PSIP1: variants seen among roughly 807,000 people sequenced by gnomAD.
PSIP1 encodes PC4 and SFRS1-interacting protein.
A neutral mutation model predicts 74.7 loss-of-function variants in PSIP1; 19 were observed. That is an observed-to-expected ratio of 0.25 (90% confidence interval 0.18 to 0.37). The LOEUF (loss-of-function observed/expected upper bound fraction) is 0.37. Ranked by LOEUF, PSIP1 falls within the 10% of genes least tolerant of loss-of-function variation. The pLI is 1.00. For synonymous variants in PSIP1, 222 were observed against 195.3 expected (o/e 1.14, Z -1.14); for missense variants, 601 against 614.3 (o/e 0.98, Z 0.23).
chr9:15,490,106 C>A lies in PSIP1; in HGVS notation c.168G>T (p.Lys56Asn), dbSNP rs757963824. ...GTHETAFLGP[K>N]DIFPYSENKE... ...TATTTTCTGAGTAAGGAAATATATCCTTTGGTCCTAAAAAAGCACTAAAAA... is the reference window on the plus strand; with the variant it reads ...TATTTTCTGAGTAAGGAAATATATCATTTGGTCCTAAAAAAGCACTAAAAA... Residue 56 changes from lysine (K) to asparagine (N), a missense_variant, in exon 4 of 16, where the codon AAG (lysine) becomes AAT (asparagine). Transcript: ENST00000380733. The A allele has an allele frequency of 1.3e-6, 2 of 1,588,092 alleles. No homozygotes were observed. The highest frequency in any genetic ancestry group is 1.2e-5 in the South Asian group (1 of 85,492).
intron 3 of PSIP1, 81 bp from the exon 4 acceptor site, chr9:15,490,205 T>C: frequency 7.9e-7 from 1 of 1,268,964 alleles, no homozygotes; most frequent in South Asian, 2.0e-5. Flanking sequence ...TATTACACAA[T>C]TATCAAAAAT....
At chr9:15,478,072 G>C (rs2795127) in intron 8 of PSIP1, among the ~76,000 whole-genome samples, 8,009 of 147,340 alleles carry the variant, frequency 0.054, 236 homozygotes, top group African/African-American at 0.082. Context: ...TGAGGTTACA[G>C]TGTGCGATTG....
In PSIP1 at chr9:15,486,822, C is replaced by T. The variant is rs745847262; in HGVS notation, c.393+5G>A. On this transcript the variant is annotated splice_donor_5th_base_variant and intron_variant, in intron 5 of 15. Coordinates refer to ENST00000380733, the MANE Select transcript of PSIP1 (RefSeq NM_033222.5). ...GTTTAAAATGTTAGGAGAAATAGAA[C>T]ATACCTCATTGCTGGCTTTTTCTTC... The T allele has an allele frequency of 3.2e-6, 5 of 1,581,456 alleles. No individual in the cohort carries two copies. The highest frequency in any genetic ancestry group is 3.4e-5 in the Admixed American group (2 of 58,328).
At chr9:15,478,013 A>T (rs2036166311) in intron 8 of PSIP1, among the ~76,000 whole-genome samples, 1 of 151,546 alleles carries the variant, frequency 6.6e-6, no homozygotes, top group Non-Finnish European at 1.5e-5. Flanking sequence ...CTGTGGTCCC[A>T]GCTACTTGGG....
At chr9:15,491,295 A>C (rs1385115746) in intron 3 of PSIP1, among the ~76,000 whole-genome samples, 1 of 152,240 alleles carries the variant, frequency 6.6e-6, no homozygotes, top group East Asian at 1.9e-4. Context: ...AAAAAAATGC[A>C]TGGCAATAAA....
At chr9:15,468,864 C>G (rs1355796217) in intron 13 of PSIP1, 21 bp from the exon 14 acceptor site, 4 of 1,606,016 alleles carry the variant, frequency 2.5e-6, no homozygotes, top group Middle Eastern at 3.3e-4. Context: ...AATATACATT[C>G]ATCATAATTG....
intron 3 of PSIP1, among the ~76,000 whole-genome samples, chr9:15,501,200 T>C (rs1297067082): frequency 6.6e-6 from 1 of 152,072 alleles, no homozygotes; most frequent in African/African-American, 2.4e-5. Flanking sequence ...CTGATCTAGT[T>C]GCTCTACATA....
intron 6 of PSIP1, among the ~76,000 whole-genome samples, chr9:15,484,619 C>CG (rs1563880475): frequency 6.6e-6 from 1 of 151,584 alleles, no homozygotes; most frequent in Admixed American, 6.6e-5. Flanking sequence ...CCCAGCTAAT[C>CG]GGGGGGCTGA....
At chr9:15,496,704 G>A (rs992530917) in intron 3 of PSIP1, among the ~76,000 whole-genome samples, 2 of 152,064 alleles carry the variant, frequency 1.3e-5, no homozygotes, top group African/African-American at 2.4e-5. Flanking sequence ...ATAAATTCAC[G>A]TATCTTAATA....
intron 3 of PSIP1, among the ~76,000 whole-genome samples, chr9:15,498,323 G>T (rs778993094): frequency 6.6e-6 from 1 of 152,162 alleles, no homozygotes; most frequent in Admixed American, 6.5e-5. Flanking sequence ...GCCTGAAGCA[G>T]GAGAATCGCC....
intron 3 of PSIP1, among the ~76,000 whole-genome samples, chr9:15,490,963 G>A (rs1477821813): frequency 6.6e-6 from 1 of 152,118 alleles, no homozygotes; most frequent in African/African-American, 2.4e-5. Flanking sequence ...TGGTAGTAAT[G>A]TTCTATAAAG....
At chr9:15,502,828 T>C (rs958591260) in intron 3 of PSIP1, among the ~76,000 whole-genome samples, 2 of 152,218 alleles carry the variant, frequency 1.3e-5, no homozygotes, top group African/African-American at 2.4e-5. Context: ...ATCTAGTACA[T>C]GGTCACAGTT....
At chr9:15,491,767 AAAG>A (rs1163965474) in intron 3 of PSIP1, among the ~76,000 whole-genome samples, 1 of 152,218 alleles carries the variant, frequency 6.6e-6, no homozygotes, top group East Asian at 1.9e-4. Context: ...TTTATAAAGA[AAAG>A]AAGTTTAATT....
chr9:15,485,000 C>G (rs2036498770), intron 6 of PSIP1, among the ~76,000 whole-genome samples: 1 of 151,836 alleles, frequency 6.6e-6, no homozygotes, highest in South Asian at 2.1e-4. Context: ...GGGAAAATCC[C>G]TTGAGCCCAC....
At position 15,506,550 on chromosome 9, in the gene PSIP1, A is replaced by C. The variant is rs377430338; in HGVS notation, c.149+11T>G. On this transcript the variant is annotated intron_variant, in intron 3 of 15. Coordinates refer to ENST00000380733, the MANE Select transcript of PSIP1 (RefSeq NM_033222.5). ...TAGCTCTGATTTGCCTTTAAAGCTAACAGGACTTACGTCTCATGAGTTCCA... is the reference window on the plus strand; with the variant it reads ...TAGCTCTGATTTGCCTTTAAAGCTACCAGGACTTACGTCTCATGAGTTCCA... 24 of 1,587,540 alleles carry C rather than the reference A, an allele frequency of 1.5e-5. No homozygotes were observed. Among genetic ancestry groups the C allele is most frequent in the Non-Finnish European group, 2.1e-5 (24 of 1,156,604 alleles).
chr9:15,470,376 C>G (rs370561277), intron 10 of PSIP1, among the ~76,000 whole-genome samples: 1 of 152,018 alleles, frequency 6.6e-6, no homozygotes, highest in Non-Finnish European at 1.5e-5. Context: ...ATGTAACAAG[C>G]AGATTAATGA....
chr9:15,488,500 C>G (rs766068052), intron 4 of PSIP1, among the ~76,000 whole-genome samples: 10 of 152,222 alleles, frequency 6.6e-5, no homozygotes, highest in Non-Finnish European at 1.2e-4. Context: ...AAAGACCTCT[C>G]ATAGCCCTCT....
chr9:15,507,363 A>G (rs1184544652), intron 2 of PSIP1, among the ~76,000 whole-genome samples: 3 of 152,176 alleles, frequency 2.0e-5, no homozygotes, highest in Admixed American at 2.0e-4. Context: ...ATTTAACAAC[A>G]TGTCGGCCAG....
rs1017445192 is a variant in PSIP1, at chr9:15,464,788, T to C, written c.*732A>G. On this transcript the variant is annotated 3_prime_UTR_variant, in exon 16 of 16. Coordinates refer to ENST00000380733, the MANE Select transcript of PSIP1 (RefSeq NM_033222.5). ...CCCTAAAGCCAGATTCATTCCTATATATACCCAGTCAGTTGTCTGCAAAGA... is the reference window on the plus strand; with the variant it reads ...CCCTAAAGCCAGATTCATTCCTATACATACCCAGTCAGTTGTCTGCAAAGA... 44 of 206,316 alleles carry C rather than the reference T, an allele frequency of 2.1e-4. No homozygotes were observed. Among genetic ancestry groups the C allele is most frequent in the African/African-American group, 8.4e-4 (37 of 43,892 alleles). The allele number at this position is 206,316 out of a possible 1,614,324, so 12.8% of individuals were successfully genotyped here.
Sources: allele counts gnomAD v4.1 joint callset (sites outside exome capture counted in the v4.1 genomes callset), GRCh38; gene constraint gnomAD v4.1.1; transcripts MANE v1.5; gene names NCBI Gene and HGNC (gene_info 2026-07-23, HGNC 2026-07-21).